Variants in CSMD3 observed in about 807,000 individuals in gnomAD.
CSMD3 encodes the protein CUB and Sushi multiple domains 3.
CSMD3 carries 177 observed loss-of-function variants against 435.2 expected under a neutral mutation model. The ratio of observed to expected loss-of-function variants is 0.41; its 90% CI spans 0.36 to 0.46. The LOEUF is 0.46. CSMD3 is among the 20% of genes least tolerant of loss of function. The pLI is 0.34. For synonymous variants in CSMD3, 1,656 were observed against 1,520.5 expected (o/e 1.09, Z -2.07); for missense variants, 4,265 against 4,504.6 (o/e 0.95, Z 1.52).
chr8:113,351,831 G>A (rs145189653), intron 1 of CSMD3, among the ~76,000 whole-genome samples: 29 of 152,266 alleles, frequency 1.9e-4, no homozygotes, highest in African/African-American at 6.7e-4. Flanking sequence ...CTGGTTTAAA[G>A]CCTTGTTTTC....
intron 59 of CSMD3, among the ~76,000 whole-genome samples, chr8:112,280,194 T>TA (rs1818488604): frequency 6.6e-6 from 1 of 152,160 alleles, no homozygotes; most frequent in Admixed American, 6.6e-5. Context: ...GCCCTCCCAC[T>TA]AGTATCCCCA....
At chr8:112,840,718 T>C (rs993832685) in intron 11 of CSMD3, among the ~76,000 whole-genome samples, 2 of 151,626 alleles carry the variant, frequency 1.3e-5, no homozygotes, top group Admixed American at 1.3e-4. Context: ...AAAACTTTAA[T>C]AAAAAAAGAG....
chr8:112,242,381 G>A (rs1372130703), intron 65 of CSMD3, among the ~76,000 whole-genome samples: 1 of 152,054 alleles, frequency 6.6e-6, no homozygotes, highest in African/African-American at 2.4e-5. Flanking sequence ...ACAATGTAAT[G>A]TCTTAAAAGA....
At chr8:112,797,985 G>A (rs2078868543) in intron 13 of CSMD3, among the ~76,000 whole-genome samples, 1 of 151,692 alleles carries the variant, frequency 6.6e-6, no homozygotes. Flanking sequence ...TATAATGATG[G>A]CATGGATATT....
rs187827455 is a variant in CSMD3, at chr8:112,459,207, T to C, written c.5395+13384A>G. On this transcript the variant is annotated intron_variant, in intron 32 of 70. Coordinates refer to ENST00000297405, the MANE Select transcript of CSMD3 (RefSeq NM_198123.2). ...TTCAACCTCCTTCTCATCCTTCGAT[T>C]TTCAGCATACTGCAGTTTTCACTCA... 2.5e-3 allele frequency among the ~76,000 whole-genome samples: 383 copies of C among 152,150 alleles called. 3 individuals carry two copies. The highest frequency in any genetic ancestry group is 8.5e-3 in the African/African-American group (355 of 41,530).
chr8:112,467,803 A>G (rs1047595548), intron 32 of CSMD3, among the ~76,000 whole-genome samples: 1 of 152,156 alleles, frequency 6.6e-6, no homozygotes, highest in Non-Finnish European at 1.5e-5. Flanking sequence ...AACCAGCTAT[A>G]AGCCCAGGAA....
chr8:113,086,338 T>C (rs1292879981), intron 5 of CSMD3, among the ~76,000 whole-genome samples: 1 of 151,500 alleles, frequency 6.6e-6, no homozygotes. Flanking sequence ...TCTATAGAAA[T>C]AGAGAATAAA....
chr8:113,343,425 T>C (rs116843247), intron 1 of CSMD3, among the ~76,000 whole-genome samples: 2 of 152,240 alleles, frequency 1.3e-5, no homozygotes, highest in East Asian at 1.9e-4. Context: ...AATTGTCCAT[T>C]TGAAGATCAC....
intron 1 of CSMD3, chr8:113,377,018 TG>T: frequency 6.1e-6 from 1 of 164,504 alleles, no homozygotes; most frequent in Non-Finnish European, 7.5e-6. Context: ...TTCTAGGGAG[TG>T]GGGTGGGGTG....
intron 1 of CSMD3, among the ~76,000 whole-genome samples, chr8:113,367,172 T>C (rs2094317601): frequency 6.6e-6 from 1 of 151,866 alleles, no homozygotes; most frequent in Admixed American, 6.6e-5. Context: ...TTATAAAATA[T>C]AATTACTTAT....
intron 5 of CSMD3, among the ~76,000 whole-genome samples, chr8:113,064,585 T>G (rs765849067): frequency 3.9e-5 from 6 of 152,076 alleles, no homozygotes; most frequent in Non-Finnish European, 5.9e-5. Flanking sequence ...ACTAAGCTAT[T>G]GAGGAAATTA....
At chr8:113,054,877 T>C (rs1467852214) in intron 5 of CSMD3, among the ~76,000 whole-genome samples, 2 of 152,168 alleles carry the variant, frequency 1.3e-5, no homozygotes, top group Admixed American at 6.5e-5. Context: ...CTTCTCTCTA[T>C]TCTGGAACAC....
chr8:113,198,559 C>G (rs2132019395), intron 3 of CSMD3, among the ~76,000 whole-genome samples: 1 of 151,330 alleles, frequency 6.6e-6, no homozygotes, highest in African/African-American at 2.4e-5. Flanking sequence ...ACTTCATACA[C>G]TAACTCAGAA....
intron 3 of CSMD3, among the ~76,000 whole-genome samples, chr8:113,222,811 G>A (rs1231142880): frequency 6.6e-6 from 1 of 150,896 alleles, no homozygotes; most frequent in Non-Finnish European, 1.5e-5. Context: ...TGGCTTTATA[G>A]ACAATTTGAC....
At chr8:113,420,966 A>G (rs1409320270) in intron 1 of CSMD3, among the ~76,000 whole-genome samples, 1 of 152,096 alleles carries the variant, frequency 6.6e-6, no homozygotes, top group Non-Finnish European at 1.5e-5. Context: ...TTATAATACG[A>G]TGATGACTTG....
chr8:113,197,814 A>T (rs904217022), intron 3 of CSMD3, among the ~76,000 whole-genome samples: 2 of 151,254 alleles, frequency 1.3e-5, no homozygotes, highest in Non-Finnish European at 3.0e-5. Context: ...AATTTATTTT[A>T]TATATTCAAC....
intron 13 of CSMD3, among the ~76,000 whole-genome samples, chr8:112,748,263 G>T (rs548688132): frequency 8.3e-4 from 126 of 152,302 alleles, no homozygotes; most frequent in Non-Finnish European, 1.3e-3. Flanking sequence ...TGATGGCTCA[G>T]CAGTGCTCTT....
At chr8:112,626,362 G>T (rs148068202) in intron 22 of CSMD3, among the ~76,000 whole-genome samples, 243 of 151,902 alleles carry the variant, frequency 1.6e-3, no homozygotes, top group African/African-American at 5.4e-3. Flanking sequence ...AAAGCCCTAG[G>T]TACATTTGAA....
chr8:112,628,678 A>C (rs1193849917), intron 22 of CSMD3, among the ~76,000 whole-genome samples: 2 of 152,214 alleles, frequency 1.3e-5, no homozygotes, highest in East Asian at 1.9e-4. Flanking sequence ...ATTTACTTAA[A>C]GCTTTCTATA....
Sources: gnomAD v4.1 joint callset for allele counts (sites outside exome capture counted in the v4.1 genomes callset) on GRCh38, gnomAD v4.1.1 for gene constraint, MANE v1.5 for transcripts, NCBI Gene and HGNC (gene_info 2026-07-23, HGNC 2026-07-21) for gene names.